The following ERI1 variants were observed in gnomAD, a reference collection of about 807,000 sequenced individuals.
The protein encoded by ERI1 is exoribonuclease 1, also known as 3'-5' exoribonuclease 1.
A neutral mutation model predicts 39.7 loss-of-function variants in ERI1; 39 were observed. That is an observed-to-expected ratio of 0.98 (90% confidence interval 0.76 to 1.28). ERI1 has a LOEUF of 1.28. Ranked by LOEUF, ERI1 falls within the 50% of genes most tolerant of loss-of-function variation. ERI1 has a pLI of 0.00. For synonymous variants in ERI1, 204 were observed against 149.6 expected (o/e 1.36, Z -2.65); for missense variants, 581 against 416.9 (o/e 1.39, Z -3.43).
chr8:9,016,540 GTAA>G (rs1176585654), intron 4 of ERI1, 135 bp downstream of exon 4: 3 of 391,676 alleles, frequency 7.7e-6, no homozygotes, highest in East Asian at 4.1e-5. Context: ...CTTTCATGTT[GTAA>G]TAATTAAAAA....
At chr8:9,050,217 C>G (rs1798312670) in intron 3 of ERI1, among the ~76,000 whole-genome samples, 1 of 151,546 alleles carries the variant, frequency 6.6e-6, no homozygotes, top group Admixed American at 6.6e-5. Context: ...ATTAGATTTT[C>G]TAGGTCAAGG....
chr8:9,083,544 C>T (rs1249898644), intron 3 of ERI1, among the ~76,000 whole-genome samples: 1 of 151,586 alleles, frequency 6.6e-6, no homozygotes, highest in Non-Finnish European at 1.5e-5. Flanking sequence ...CCTTAGCAAT[C>T]ATCAACTCAT....
Position 9,077,235 on chromosome 8 carries a change from C to T in ERI1, n.300-39113C>T, listed in dbSNP as rs147699833. The stretch of plus-strand genomic sequence containing the variant: ...GTTCTTAAATGTGACATGCATTTCC[C>T]TGCCACATTCCTTCCCTGCTTAATT... On this transcript the variant is annotated intron_variant and non_coding_transcript_variant, in intron 3 of 3. Transcript: ENST00000518663. 2.0e-3 allele frequency among the ~76,000 whole-genome samples: 301 copies of T among 152,286 alleles called. 4 individuals carry two copies. The highest frequency in any genetic ancestry group is 6.8e-3 in the African/African-American group (284 of 41,558).
At chr8:9,025,096 A>T (rs992495562) in intron 6 of ERI1, among the ~76,000 whole-genome samples, 5 of 152,122 alleles carry the variant, frequency 3.3e-5, no homozygotes, top group African/African-American at 1.2e-4. Flanking sequence ...TGTACCTATA[A>T]AGCTCTTTTC....
intron 3 of ERI1, among the ~76,000 whole-genome samples, chr8:9,080,687 G>A (rs977008932): frequency 6.6e-6 from 1 of 152,178 alleles, no homozygotes; most frequent in Non-Finnish European, 1.5e-5. Flanking sequence ...GCAGCACAGA[G>A]CTCTGAGTGT....
At chr8:9,040,915 G>A (rs575332949) in intron 3 of ERI1, among the ~76,000 whole-genome samples, 14 of 152,268 alleles carry the variant, frequency 9.2e-5, no homozygotes, top group African/African-American at 3.4e-4. Flanking sequence ...GATAAAGTCA[G>A]TAACACCTGG....
chr8:9,009,166 C>A (rs1816402105), intron 2 of ERI1: 6 of 443,126 alleles, frequency 1.4e-5, no homozygotes, highest in Non-Finnish European at 2.3e-5. Context: ...TTCAACAAGC[C>A]TGTATTGAAT....
rs137954467 is a variant in ERI1 at position 9,020,559 on chromosome 8, A to C, written c.807+95A>C. On this transcript the variant is annotated intron_variant, in intron 6 of 6. Transcript: ENST00000250263. ...GATTGTAATTTTCCAGGTGTTTTTC[A>C]TGGAAAAAAGCCATATAATTAGTTC... 5.3e-4 allele frequency: 407 copies of C among 766,820 alleles called. 2 individuals carry two copies. In the African/African-American group the frequency reaches 6.8e-3, roughly 13 times the overall value. The allele number at this position is 766,820 out of a possible 1,614,324, so 47.5% of individuals were successfully genotyped here.
rs116090147 is a variant in ERI1, at chr8:9,026,817, C to G, written c.808-2975C>G. 4.1e-3 allele frequency among the ~76,000 whole-genome samples: 626 copies of G among 151,780 alleles called. 5 individuals are homozygous for G. Among genetic ancestry groups the G allele is most frequent in the African/African-American group, 0.014 (591 of 41,334 alleles). On this transcript the variant is annotated intron_variant, in intron 6 of 6. Transcript: ENST00000250263. ...AATTTCAAATCCAAAGCACTTCTGTCCCAAGCATTTCAGATAAGGAATATT... is the reference window on the plus strand; with the variant it reads ...AATTTCAAATCCAAAGCACTTCTGTGCCAAGCATTTCAGATAAGGAATATT...
At chr8:9,062,834 G>A (rs1798749964) in intron 3 of ERI1, 1 of 151,936 alleles carries the variant, frequency 6.6e-6, no homozygotes, top group African/African-American at 2.4e-5. Context: ...GATGGGACGT[G>A]GCTTAGGAGG....
intron 3 of ERI1, among the ~76,000 whole-genome samples, chr8:9,054,153 A>G (rs1798439009): frequency 6.6e-6 from 1 of 152,310 alleles, no homozygotes; most frequent in Non-Finnish European, 1.5e-5. Flanking sequence ...AGGGGATTGC[A>G]TACATTAAAG....
chr8:9,067,140 T>G lies in ERI1; in HGVS notation n.299+46676T>G, dbSNP rs574409753. On this transcript the variant is annotated intron_variant and non_coding_transcript_variant, in intron 3 of 3. Transcript: ENST00000518663. ...CAAGTGATATGACATAAAATCGTTTTGGGAACACTAAAGACCTATACAAAT... is the reference window on the plus strand; with the variant it reads ...CAAGTGATATGACATAAAATCGTTTGGGGAACACTAAAGACCTATACAAAT... Among the ~76,000 whole-genome samples, 74 of 152,294 alleles carry G rather than the reference T, an allele frequency of 4.9e-4. 1 individual carries two copies. In the South Asian group the frequency reaches 0.014, roughly 30 times the overall value.
chr8:9,005,474 A>C (rs1815882644), intron 1 of ERI1, among the ~76,000 whole-genome samples: 1 of 151,664 alleles, frequency 6.6e-6, no homozygotes, highest in South Asian at 2.1e-4. Context: ...GTAAAAGAAA[A>C]TTTGTAACTC....
chr8:9,024,624 A>T (rs559246296), intron 6 of ERI1, among the ~76,000 whole-genome samples: 11 of 151,924 alleles, frequency 7.2e-5, no homozygotes, highest in Non-Finnish European at 1.3e-4. Flanking sequence ...GGCTTTCACT[A>T]TGTTGGCCAG....
At chr8:9,014,096 C>T (rs1301798367) in intron 3 of ERI1, among the ~76,000 whole-genome samples, 2 of 152,192 alleles carry the variant, frequency 1.3e-5, no homozygotes, top group South Asian at 2.1e-4. Context: ...AGAGTACAAC[C>T]AATATTCCTT....
rs545884850 is a variant in ERI1 at position 9,012,433 on chromosome 8, T to C, written c.498+681T>C. On this transcript the variant is annotated intron_variant, in intron 3 of 6. Coordinates refer to ENST00000250263, the MANE Select transcript of ERI1 (RefSeq NM_153332.4). ...AACATCTCAACTTTCCAAAAGTCAC[T>C]TCTGTGATATCCTCAGTTGCTACCA... 3.3e-5 allele frequency among the ~76,000 whole-genome samples: 5 copies of C among 152,370 alleles called. No homozygotes were observed. In the East Asian group the frequency reaches 9.6e-4, roughly 29 times the overall value.
chr8:9,041,799 A>C (rs1406444604), intron 3 of ERI1, among the ~76,000 whole-genome samples: 1 of 152,190 alleles, frequency 6.6e-6, no homozygotes, highest in East Asian at 1.9e-4. Flanking sequence ...CAGTGGCGTG[A>C]TCTCGGCTGA....
At chr8:9,014,868 TGCTTTGTCACCCAG>T (rs1817060010) in intron 3 of ERI1, among the ~76,000 whole-genome samples, 1 of 152,154 alleles carries the variant, frequency 6.6e-6, no homozygotes, top group Non-Finnish European at 1.5e-5. Flanking sequence ...GATGGAGTCT[TGCTTTGTCACCCAG>T]GCTGGAGAGC....
chr8:9,019,914 G>A (rs1485448605), intron 5 of ERI1, among the ~76,000 whole-genome samples: 1 of 152,134 alleles, frequency 6.6e-6, no homozygotes, highest in Non-Finnish European at 1.5e-5. Flanking sequence ...ATTGGTTAGT[G>A]TTATAGAAAA....
Sources: gnomAD v4.1 joint callset for allele counts (sites outside exome capture counted in the v4.1 genomes callset) on GRCh38, gnomAD v4.1.1 for gene constraint, MANE v1.5 for transcripts, NCBI Gene and HGNC (gene_info 2026-07-23, HGNC 2026-07-21) for gene names.